Variants in MICU2 observed in about 807,000 individuals in gnomAD.
The protein encoded by MICU2 is mitochondrial calcium uptake 2, also known as calcium uptake protein 2, mitochondrial.
Under a neutral mutation model 60.4 loss-of-function variants are expected in MICU2, and 64 were observed. That is an observed-to-expected ratio of 1.06 (90% confidence interval 0.87 to 1.31). The LOEUF (loss-of-function observed/expected upper bound fraction) is 1.31. MICU2 is among the 50% of genes most tolerant of loss of function. The pLI is 0.00. For missense variants in MICU2, 569 were observed against 531.0 expected (o/e 1.07, Z -0.70); for synonymous variants, 201 against 175.0 (o/e 1.15, Z -1.17).
chr13:21,536,981 C>T (rs1887145037), intron 4 of MICU2, among the ~76,000 whole-genome samples: 1 of 152,176 alleles, frequency 6.6e-6, no homozygotes, highest in Admixed American at 6.5e-5. Flanking sequence ...ATTCAGACAC[C>T]TACTCTATGA....
rs1886793804 is a variant in MICU2 at position 21,524,211 on chromosome 13, CAT to C, written c.467-1563_467-1562del. 1.3e-5 allele frequency among the ~76,000 whole-genome samples: 2 copies of C among 152,112 alleles called. 1 individual carries two copies. The highest frequency in any genetic ancestry group is 3.8e-4 in the East Asian group (2 of 5,202). Reference sequence around the variant, plus strand: ...TTTTTTAATCATGGAAAACTTCAATCATATGCAACAACAGAGAGAATAATATG... The same window carrying C: ...TTTTTTAATCATGGAAAACTTCAATCATGCAACAACAGAGAGAATAATATG... On this transcript the variant is annotated intron_variant, in intron 4 of 11. Transcript: ENST00000382374.
In MICU2 at chr13:21,589,557, T is replaced by C. The variant is rs181085433; in HGVS notation, c.210+14382A>G. ...AATTTCTCTTCAAAGAATCAATATG[T>C]CAGTATGTTCAATTCTTTGCCTTCT... On this transcript the variant is annotated intron_variant, in intron 1 of 11. Coordinates refer to ENST00000382374, the MANE Select transcript of MICU2 (RefSeq NM_152726.3). 3.2e-3 allele frequency among the ~76,000 whole-genome samples: 484 copies of C among 152,336 alleles called. 2 individuals carry two copies. Among genetic ancestry groups the C allele is most frequent in the African/African-American group, 0.011 (454 of 41,574 alleles).
rs994914984 is a variant in MICU2 at position 21,511,696 on chromosome 13, T to C, written c.664-1595A>G. ...ATAGCTACACCAGCTTTCCTCCTGC[T>C]CCCACCCTCTTTTTAGCCTCTGACA... is the stretch of plus-strand genomic sequence containing the variant. On this transcript the variant is annotated intron_variant, in intron 7 of 11. Transcript: ENST00000382374. Among the ~76,000 whole-genome samples the C allele has an allele frequency of 2.7e-5, 4 of 149,904 alleles. No homozygotes were observed. In the East Asian group the frequency reaches 7.7e-4, roughly 29 times the overall value.
At chr13:21,594,259 C>T (rs61950063) in intron 1 of MICU2, among the ~76,000 whole-genome samples, 42 of 152,108 alleles carry the variant, frequency 2.8e-4, no homozygotes, top group Admixed American at 9.2e-4. Flanking sequence ...GACATTTACA[C>T]GGCCAACAAA....
chr13:21,547,417 T>A (rs959522098), intron 2 of MICU2, among the ~76,000 whole-genome samples: 4 of 152,248 alleles, frequency 2.6e-5, no homozygotes, highest in African/African-American at 9.6e-5. Context: ...TCTCTGATTA[T>A]TCCAGCCCTC....
intron 1 of MICU2, among the ~76,000 whole-genome samples, chr13:21,576,827 C>T (rs565724549): frequency 6.6e-6 from 1 of 152,114 alleles, no homozygotes; most frequent in Non-Finnish European, 1.5e-5. Flanking sequence ...ACAAAATTTG[C>T]TTAAATACTG....
At position 21,604,077 on chromosome 13, in the gene MICU2, G is replaced by A. The variant is rs937571871; in HGVS notation, c.72C>T (p.Val24=). Reference sequence around the variant, plus strand: ...CGGGACTCCGCACAGCCTGTCGGCTGACAGCGAGCCCCCGTCGCAGTTTTC... The same window carrying A: ...CGGGACTCCGCACAGCCTGTCGGCTAACAGCGAGCCCCCGTCGCAGTTTTC... ...WGGKLRRGLA[V]SRQAVRSPGP... The change falls in exon 1 of 12, where the codon GTC becomes GTT. Residue 24 remains valine, a synonymous_variant. Coordinates refer to ENST00000382374, the MANE Select transcript of MICU2 (RefSeq NM_152726.3). The A allele has an allele frequency of 1.0e-5, 16 of 1,599,310 alleles. No homozygotes were observed. The African/African-American group carries it at 1.9e-4, about 19-fold the overall frequency.
intron 2 of MICU2, among the ~76,000 whole-genome samples, chr13:21,546,295 CTTT>C (rs33921647): frequency 1.3e-4 from 17 of 131,358 alleles, no homozygotes; most frequent in Non-Finnish European, 1.4e-4. Flanking sequence ...GATAAAAAGA[CTTT>C]TTTTTTTTTT....
At chr13:21,551,867 T>G in intron 2 of MICU2, among the ~76,000 whole-genome samples, 1 of 152,146 alleles carries the variant, frequency 6.6e-6, no homozygotes, top group Non-Finnish European at 1.5e-5. Context: ...AAGTCTTTGC[T>G]ATTGCGAATA....
chr13:21,592,731 A>C (rs1056055803), intron 1 of MICU2, among the ~76,000 whole-genome samples: 29 of 152,224 alleles, frequency 1.9e-4, no homozygotes, highest in African/African-American at 7.0e-4. Context: ...CAATAAACAT[A>C]ATCCATCACA....
chr13:21,525,499 T>G (rs1247902754), intron 4 of MICU2, among the ~76,000 whole-genome samples: 1 of 151,998 alleles, frequency 6.6e-6, no homozygotes. Flanking sequence ...CCAATGCTGA[T>G]TTAATTTTTG....
chr13:21,493,906 T>G (rs76427269), intron 11 of MICU2, among the ~76,000 whole-genome samples: 5,652 of 152,012 alleles, frequency 0.037, 355 homozygotes, highest in African/African-American at 0.13. Context: ...AATGAAAAGG[T>G]AAAGGTTAGG....
intron 10 of MICU2, 83 bp from the exon 11 acceptor site, chr13:21,495,401 T>C: frequency 7.6e-7 from 1 of 1,309,218 alleles, no homozygotes; most frequent in Non-Finnish European, 1.0e-6. Context: ...ATTTGAGAAG[T>C]AAAAGCAAAT....
At chr13:21,595,528 C>T (rs1453820967) in intron 1 of MICU2, among the ~76,000 whole-genome samples, 2 of 152,230 alleles carry the variant, frequency 1.3e-5, no homozygotes, top group African/African-American at 4.8e-5. Context: ...GCTCCAGGGG[C>T]CCTTAGGCCA....
chr13:21,514,354 T>C lies in MICU2; in HGVS notation c.662A>G (p.Gln221Arg), dbSNP rs1178067559. ...MTVKTNETGY[Q>R]EAIVKEPEIN... is the part of the protein sequence containing the mutation. The stretch of plus-strand genomic sequence containing the variant: ...TGTTTGGAAATCATCTGTACATACC[T>C]GATATCCAGTTTCATTAGTTTTCAC... Residue 221 changes from glutamine to arginine, a missense_variant and splice_region_variant, in exon 7 of 12, where the codon CAG (glutamine) becomes CGG (arginine). Coordinates refer to ENST00000382374, the MANE Select transcript of MICU2 (RefSeq NM_152726.3). 11 of 1,610,080 alleles carry C rather than the reference T, an allele frequency of 6.8e-6. No homozygotes were observed. The highest frequency in any genetic ancestry group is 1.3e-5 in the African/African-American group (1 of 74,680).
chr13:21,546,536 T>C (rs1887423938), intron 2 of MICU2, among the ~76,000 whole-genome samples: 1 of 152,160 alleles, frequency 6.6e-6, no homozygotes, highest in African/African-American at 2.4e-5. Context: ...ACATGCTATG[T>C]GTAAGTTCTG....
At chr13:21,546,422 G>A (rs1887420663) in intron 2 of MICU2, among the ~76,000 whole-genome samples, 1 of 151,848 alleles carries the variant, frequency 6.6e-6, no homozygotes, top group African/African-American at 2.4e-5. Context: ...TATATAACAT[G>A]GGGGAGGGAG....
At chr13:21,499,632 A>T (rs1184082955) in intron 9 of MICU2, among the ~76,000 whole-genome samples, 2 of 151,790 alleles carry the variant, frequency 1.3e-5, no homozygotes, top group Non-Finnish European at 2.9e-5. Context: ...AGATGTTCTC[A>T]ATCTTCTGAC....
intron 7 of MICU2, among the ~76,000 whole-genome samples, chr13:21,513,889 T>C (rs1886496606): frequency 6.6e-6 from 1 of 152,056 alleles, no homozygotes; most frequent in Non-Finnish European, 1.5e-5. Context: ...TGTATACTTA[T>C]ATATACATAA....
Sources: allele counts gnomAD v4.1 joint callset (sites outside exome capture counted in the v4.1 genomes callset), GRCh38; gene constraint gnomAD v4.1.1; transcripts MANE v1.5; gene names NCBI Gene and HGNC (gene_info 2026-07-23, HGNC 2026-07-21).